The following COL6A3 variants were observed in gnomAD, a reference collection of about 807,000 sequenced individuals.
COL6A3 encodes collagen type VI alpha 3 chain.
In COL6A3, 137 loss-of-function variants were observed where a neutral mutation model predicts 274.1. The observed-to-expected ratio is 0.50, with a 90% CI of 0.44 to 0.58. The LOEUF (loss-of-function observed/expected upper bound fraction) is 0.58. COL6A3 is among the 20% of genes least tolerant of loss of function. COL6A3 has a pLI of 0.00. For missense variants in COL6A3, 3,950 were observed against 4,124.9 expected (o/e 0.96, Z 1.16); for synonymous variants, 1,650 against 1,650.6 (o/e 1.00, Z 0.01).
At position 237,378,822 on chromosome 2, in the gene COL6A3, T is replaced by C. The variant is rs1335886808; in HGVS notation, c.2311A>G (p.Ile771Val). 6.2e-7 allele frequency: 1 copy of C among 1,614,230 alleles called. No homozygotes were observed. The highest frequency in any genetic ancestry group is 2.2e-5 in the East Asian group (1 of 44,888). The change falls in exon 6 of 44, where the codon ATC becomes GTC. Residue 771 changes from isoleucine (I) to valine (V), a missense_variant. Transcript: ENST00000295550. ...CTAGCTCCCACACAAAAAGTCAGGA[T>C]GCCCGCGCGTGTCAAGGCGTTGGCA... ...QAANALTRAG[I>V]LTFCVGASQA...
Position 237,368,688 on chromosome 2 carries a change from A to G in COL6A3, c.4775T>C (p.Leu1592Pro). The G allele has an allele frequency of 1.2e-6, 2 of 1,614,140 alleles. No homozygotes were observed. Among genetic ancestry groups the G allele is most frequent in the Non-Finnish European group, 1.7e-6 (2 of 1,180,022 alleles). ...ELQTITNDPR[L>P]VFTVREFREL... ...TCTGAACTCTCGCACTGTGAAGACCAGTCTGGGGTCATTGGTGATGGTCTG... is the reference window on the plus strand; with the variant it reads ...TCTGAACTCTCGCACTGTGAAGACCGGTCTGGGGTCATTGGTGATGGTCTG... Residue 1592 changes from leucine to proline, a missense_variant, in exon 10 of 44, where the codon CTG becomes CCG. Physicochemically the swap from Leu to Pro is moderately conservative, Grantham distance 98. This residue lies in a region of COL6A3 where 632 missense variants were observed against 623.4 expected (regional missense o/e 1.01). Transcript: ENST00000295550. The surrounding 1 kb of genome is among the most constrained non-coding windows in gnomAD (Gnocchi z 4.4).
chr2:237,388,656 A>C (rs1047120412), intron 3 of COL6A3, among the ~76,000 whole-genome samples: 2 of 152,210 alleles, frequency 1.3e-5, no homozygotes, highest in African/African-American at 2.4e-5. Context: ...AATTTTTTAT[A>C]CAAATCCACA....
rs367611971 is a variant in COL6A3, at chr2:237,365,672, C to T, written c.5838+26G>A. ...AAAAATTTGGAAATTTCCCAGGGAG[C>T]ACCTGAACCAACTGGCCCCACAGAC... On this transcript the variant is annotated intron_variant, in intron 12 of 43. Coordinates refer to ENST00000295550, the MANE Select transcript of COL6A3 (RefSeq NM_004369.4). 3 of 1,609,754 alleles carry T rather than the reference C, an allele frequency of 1.9e-6. No individual in the cohort carries two copies. In the African/African-American group the frequency reaches 4.0e-5, roughly 22 times the overall value.
chr2:237,379,543 C>A (rs906283099), intron 5 of COL6A3, among the ~76,000 whole-genome samples: 1 of 152,114 alleles, frequency 6.6e-6, no homozygotes, highest in Non-Finnish European at 1.5e-5. Flanking sequence ...ACACTCCTTC[C>A]CTAAAAATGA....
At chr2:237,350,958 A>T (rs1574960288) in intron 27 of COL6A3, among the ~76,000 whole-genome samples, 172 bp downstream of exon 27, 1 of 152,214 alleles carries the variant, frequency 6.6e-6, no homozygotes, top group African/African-American at 2.4e-5. Context: ...TATGGTGGGG[A>T]TTGTTGGGGG....
chr2:237,336,362 G>T lies in COL6A3; in HGVS notation c.8738C>A (p.Ala2913Asp), dbSNP rs1381038824. 2 of 1,614,052 alleles carry T rather than the reference G, an allele frequency of 1.2e-6. No homozygotes were observed. Among genetic ancestry groups the T allele is most frequent in the Admixed American group, 3.3e-5 (2 of 60,008 alleles). Residue 2913 changes from alanine (A) to aspartate (D), a missense_variant, in exon 40 of 44, where the codon GCC (alanine) becomes GAC (aspartate). By Grantham distance (126) the Ala-to-Asp change is moderately radical (BLOSUM62 -2). This residue lies in a region of COL6A3 where 1,284 missense variants were observed against 1,349.7 expected (regional missense o/e 0.95). Coordinates refer to ENST00000295550, the MANE Select transcript of COL6A3 (RefSeq NM_004369.4). ...PSVKPAAAKP[A>D]PAKPVAAKPV... is the part of the protein sequence containing the mutation. ...CTTGGCAGCCACAGGTTTCGCAGGG[G>T]CCGGCTTTGCAGCGGCTGGCTTCAC...
Position 237,339,039 on chromosome 2 carries a change from A to C in COL6A3, c.8543T>G (p.Leu2848Arg). 1 of 1,614,104 alleles carries C rather than the reference A, an allele frequency of 6.2e-7. No homozygotes were observed. Among genetic ancestry groups the C allele is most frequent in the South Asian group, 1.1e-5 (1 of 91,088 alleles). ...CACTTGTTTGTGACCAAACTTCACA[A>C]GGTTCTTTGTGGGTTGGTCCCCTTG... ...WFQGDQPTKN[L>R]VKFGHKQVNV... Residue 2848 changes from leucine (L) to arginine (R), a missense_variant, in exon 39 of 44, where the codon CTT (leucine) becomes CGT (arginine). Physicochemically the swap from Leu to Arg is moderately radical, Grantham distance 102 (BLOSUM62 -2). Around this residue, in one of 5 missense-constraint regions of COL6A3, gnomAD observed 1,284 missense variants for 1,349.7 expected, o/e 0.95. Transcript: ENST00000295550.
chr2:237,373,335 CT>C (rs768415086), intron 8 of COL6A3, among the ~76,000 whole-genome samples: 11 of 152,170 alleles, frequency 7.2e-5, no homozygotes, highest in Admixed American at 2.6e-4. Context: ...CATTTCCTTT[CT>C]TGTGTTGGAG....
chr2:237,354,937 G>A lies in COL6A3; in HGVS notation c.6592-3C>T, dbSNP rs760143724. On this transcript the variant is annotated splice_polypyrimidine_tract_variant and splice_region_variant and intron_variant, in intron 23 of 43. Coordinates refer to ENST00000295550, the MANE Select transcript of COL6A3 (RefSeq NM_004369.4). ...GGTCCCCTTCGGCCAAAGCCACCCT[G>A]TGGAAGAAAAAGTCCCACAAACTGT... 73 of 1,613,766 alleles carry A rather than the reference G, an allele frequency of 4.5e-5. No homozygotes were observed. In the East Asian group the frequency reaches 1.4e-3, roughly 32 times the overall value.
intron 43 of COL6A3, among the ~76,000 whole-genome samples, chr2:237,325,086 T>C (rs532245091): frequency 6.6e-6 from 1 of 152,174 alleles, no homozygotes; most frequent in South Asian, 2.1e-4. Flanking sequence ...CGAACTGAAC[T>C]CTCCCCATTC....
At chr2:237,346,151 A>C (rs980386265) in intron 32 of COL6A3, among the ~76,000 whole-genome samples, 28 of 152,150 alleles carry the variant, frequency 1.8e-4, no homozygotes, top group African/African-American at 6.3e-4. Flanking sequence ...AAGGCCTGGC[A>C]TAATTACACT....
chr2:237,408,017 C>A (rs1397147968), intron 1 of COL6A3, among the ~76,000 whole-genome samples: 4 of 152,174 alleles, frequency 2.6e-5, no homozygotes, highest in Non-Finnish European at 5.9e-5. Flanking sequence ...ACTGACCTTT[C>A]CAAAACTGTG....
At chr2:237,369,312 G>C in intron 9 of COL6A3, 135 bp from the exon 10 acceptor site, 1 of 1,260,636 alleles carries the variant, frequency 7.9e-7, no homozygotes, top group Non-Finnish European at 1.1e-6. Context: ...TTGTATCTCG[G>C]GCTTTTTGAA....
rs112637114 is a variant in COL6A3, at chr2:237,361,190, C to T, written c.6157-16G>A. On this transcript the variant is annotated splice_polypyrimidine_tract_variant and intron_variant, in intron 15 of 43. Coordinates refer to ENST00000295550, the MANE Select transcript of COL6A3 (RefSeq NM_004369.4). The surrounding 1 kb of genome is among the most constrained non-coding windows in gnomAD (Gnocchi z 5.1). Reference sequence around the variant, plus strand: ...CAGGAATACCCTGAAACAAAGTAATCGGGTCCTCTGTTTAATCCCGTGGTC... The same window carrying T: ...CAGGAATACCCTGAAACAAAGTAATTGGGTCCTCTGTTTAATCCCGTGGTC... The T allele has an allele frequency of 3.0e-3, 4,910 of 1,612,922 alleles. 89 individuals carry two copies. The African/African-American group carries it at 0.047, about 16-fold the overall frequency.
chr2:237,357,951 G>T, intron 21 of COL6A3, 69 bp from the exon 22 acceptor site: 1 of 1,432,084 alleles, frequency 7.0e-7, no homozygotes, highest in Non-Finnish European at 9.9e-7. Flanking sequence ...GGACTGGATG[G>T]TCAGGGAAAT....
In COL6A3 at chr2:237,361,903, A is replaced by G; in HGVS notation, c.6064-72T>C. Reference sequence around the variant, plus strand: ...CAGCAGAAAATCATAAATGCGCTTTAAGGGTCAAAATCGGATGTGTGGGGG... The same window carrying G: ...CAGCAGAAAATCATAAATGCGCTTTGAGGGTCAAAATCGGATGTGTGGGGG... On this transcript the variant is annotated intron_variant, in intron 14 of 43. Coordinates refer to ENST00000295550, the MANE Select transcript of COL6A3 (RefSeq NM_004369.4). The surrounding 1 kb of genome is among the most constrained non-coding windows in gnomAD (Gnocchi z 5.1). 1 of 1,358,328 alleles carries G rather than the reference A, an allele frequency of 7.4e-7. No individual in the cohort carries two copies. 84.1% of individuals were successfully genotyped at this position (1,358,328 alleles called of 1,614,324 possible).
chr2:237,345,021 A>G, intron 34 of COL6A3, 37 bp downstream of exon 34: 6 of 1,614,212 alleles, frequency 3.7e-6, no homozygotes, highest in Non-Finnish European at 5.1e-6. Context: ...GAATGTAAAA[A>G]TATGCATTGT....
At position 237,363,781 on chromosome 2, in the gene COL6A3, T is replaced by C. The variant is rs187493424; in HGVS notation, c.5918-383A>G. 1.1e-4 allele frequency among the ~76,000 whole-genome samples: 17 copies of C among 152,282 alleles called. No homozygotes were observed. In the East Asian group the frequency reaches 3.3e-3, roughly 29 times the overall value. On this transcript the variant is annotated intron_variant, in intron 13 of 43. Transcript: ENST00000295550. ...CCATTGCTTGGGAAAAGTAAGCTAA[T>C]AAATAGAAAGTTCTTAGGATAAATT...
In COL6A3 at chr2:237,364,818, TG is replaced by T. The variant is rs2077513527; in HGVS notation, c.5839-391del. Among the ~76,000 whole-genome samples the T allele has an allele frequency of 7.9e-6, 1 of 125,792 alleles. No homozygotes were observed. The highest frequency in any genetic ancestry group is 8.8e-5 in the Admixed American group (1 of 11,404). 82.5% of individuals were successfully genotyped at this position (125,792 alleles called of 152,430 possible). On this transcript the variant is annotated intron_variant, in intron 12 of 43. Coordinates refer to ENST00000295550, the MANE Select transcript of COL6A3 (RefSeq NM_004369.4). The surrounding 1 kb of genome is among the most constrained non-coding windows in gnomAD (Gnocchi z 4.6). ...TTGTGTGTGCATGTGTGTGCACGTG[TG>T]TGTGCATGTGTGGGTGTGTGGGTGT... is the stretch of plus-strand genomic sequence containing the variant.
Sources: allele counts gnomAD v4.1 joint callset (sites outside exome capture counted in the v4.1 genomes callset), GRCh38; gene constraint gnomAD v4.1.1; regional missense constraint gnomAD v4.1.1; non-coding constraint Gnocchi (gnomAD v3.1); transcripts MANE v1.5; gene names NCBI Gene and HGNC (gene_info 2026-07-23, HGNC 2026-07-21).